NRXN3: variants seen among roughly 807,000 people sequenced by gnomAD.
The protein encoded by NRXN3 is neurexin III.
NRXN3 carries 32 observed loss-of-function variants against 137.6 expected under a neutral mutation model. The observed-to-expected ratio is 0.23, with a 90% confidence interval of 0.18 to 0.31. The LOEUF (loss-of-function observed/expected upper bound fraction) is 0.31, where lower values mean the gene tolerates loss of function less well. Among genes scored for constraint, NRXN3 ranks in the 10% least tolerant of loss-of-function variants. NRXN3 has a pLI of 1.00. For missense variants in NRXN3, 1,574 were observed against 2,062.5 expected (o/e 0.76, Z 4.59); for synonymous variants, 798 against 784.5 (o/e 1.02, Z -0.29).
At chr14:78,874,422 A>G (rs151318326) in intron 10 of NRXN3, among the ~76,000 whole-genome samples, 7 of 152,186 alleles carry the variant, frequency 4.6e-5, no homozygotes, top group Non-Finnish European at 1.0e-4. Context: ...TGAGATGCTA[A>G]TCAGTCAGAT....
At chr14:78,940,767 A>AT (rs1241056912) in intron 10 of NRXN3, among the ~76,000 whole-genome samples, 4 of 152,246 alleles carry the variant, frequency 2.6e-5, no homozygotes, top group Non-Finnish European at 4.4e-5. Context: ...CCATTACTAG[A>AT]TTTTTTTATA....
rs2098950488 is a variant in NRXN3 at position 79,738,662 on chromosome 14, G to A, written c.4014+40725G>A. ...CAACCTCCGCCTCCCGTCTTCAAGT[G>A]TTTCTCCTGCCTCAGCCTCCCAAGT... is the stretch of plus-strand genomic sequence containing the variant. On this transcript the variant is annotated intron_variant, in intron 19 of 20. Coordinates refer to ENST00000335750, the MANE Select transcript of NRXN3 (RefSeq NM_001330195.2). 2.0e-5 allele frequency among the ~76,000 whole-genome samples: 3 copies of A among 152,118 alleles called. 1 individual carries two copies. In the South Asian group the frequency reaches 6.2e-4, roughly 32 times the overall value.
chr14:79,053,651 T>A (rs932419616), intron 15 of NRXN3, among the ~76,000 whole-genome samples: 6 of 151,918 alleles, frequency 3.9e-5, no homozygotes, highest in African/African-American at 1.5e-4. Flanking sequence ...GTGTGTGTAT[T>A]GTGTTGGGAT....
intron 2 of NRXN3, among the ~76,000 whole-genome samples, chr14:78,257,785 A>G (rs1185320680): frequency 3.3e-5 from 5 of 152,146 alleles, no homozygotes; most frequent in Admixed American, 6.5e-5. Flanking sequence ...GAAGTTTTTC[A>G]GTTGAATTGT....
intron 4 of NRXN3, among the ~76,000 whole-genome samples, chr14:78,373,158 G>C (rs942152073): frequency 8.5e-5 from 13 of 152,218 alleles, no homozygotes; most frequent in African/African-American, 1.9e-4. Context: ...TGGAGGTCGA[G>C]AATGCCAAGT....
intron 16 of NRXN3, among the ~76,000 whole-genome samples, chr14:79,587,921 T>G (rs2097774770): frequency 6.6e-6 from 1 of 152,262 alleles, no homozygotes; most frequent in Non-Finnish European, 1.5e-5. Flanking sequence ...TATTTGCATT[T>G]GACTTATTAC....
At chr14:79,158,847 G>A (rs2060495201) in intron 15 of NRXN3, among the ~76,000 whole-genome samples, 1 of 151,776 alleles carries the variant, frequency 6.6e-6, no homozygotes, top group African/African-American at 2.4e-5. Flanking sequence ...AAAACTGGGT[G>A]CCCTTTAAAG....
chr14:79,154,112 C>T (rs1219109585), intron 15 of NRXN3, among the ~76,000 whole-genome samples: 1 of 151,892 alleles, frequency 6.6e-6, no homozygotes, highest in Admixed American at 6.6e-5. Flanking sequence ...TTCTTATATA[C>T]CAGGAATATA....
At chr14:78,253,935 A>G (rs940585310) in intron 2 of NRXN3, among the ~76,000 whole-genome samples, 1 of 151,900 alleles carries the variant, frequency 6.6e-6, no homozygotes, top group Non-Finnish European at 1.5e-5. Context: ...CCACTTTCTC[A>G]TTGGTCCTCA....
At chr14:79,575,269 T>C (rs2153803485) in intron 16 of NRXN3, among the ~76,000 whole-genome samples, 1 of 152,256 alleles carries the variant, frequency 6.6e-6, no homozygotes, top group Middle Eastern at 3.4e-3. Flanking sequence ...AGAAAACTTC[T>C]TAGGCTTCTA....
At chr14:78,482,747 T>C (rs1051919346) in intron 4 of NRXN3, among the ~76,000 whole-genome samples, 2 of 152,222 alleles carry the variant, frequency 1.3e-5, no homozygotes, top group African/African-American at 4.8e-5. Flanking sequence ...CTGTGGATAA[T>C]CTTAAGATAA....
chr14:79,719,226 TATC>T (rs1281534543), intron 19 of NRXN3, among the ~76,000 whole-genome samples: 1 of 151,832 alleles, frequency 6.6e-6, no homozygotes, highest in Non-Finnish European at 1.5e-5. Flanking sequence ...GTGCCATTAA[TATC>T]ATCCCGTCAT....
intron 20 of NRXN3, among the ~76,000 whole-genome samples, chr14:79,846,744 A>G (rs1313895966): frequency 6.6e-6 from 1 of 152,158 alleles, no homozygotes. Context: ...TTTGTTTTTT[A>G]GTCTCAGCTA....
chr14:79,269,154 A>G (rs2078919446), intron 15 of NRXN3, among the ~76,000 whole-genome samples: 2 of 152,232 alleles, frequency 1.3e-5, no homozygotes, highest in South Asian at 2.1e-4. Flanking sequence ...GGTTCACGCC[A>G]TTCTCCTGCC....
chr14:79,224,866 C>A (rs747101542), intron 15 of NRXN3, among the ~76,000 whole-genome samples: 1 of 152,200 alleles, frequency 6.6e-6, no homozygotes, highest in Non-Finnish European at 1.5e-5. Flanking sequence ...CAACTACCAA[C>A]AGCTAGAAGA....
At chr14:79,124,977 T>A (rs1335541530) in intron 15 of NRXN3, among the ~76,000 whole-genome samples, 1 of 152,220 alleles carries the variant, frequency 6.6e-6, no homozygotes, top group Non-Finnish European at 1.5e-5. Context: ...AAGAAAACAC[T>A]GCAGTTCAGG....
intron 15 of NRXN3, among the ~76,000 whole-genome samples, chr14:79,244,063 C>T (rs1018862680): frequency 2.0e-5 from 3 of 152,044 alleles, no homozygotes; most frequent in Non-Finnish European, 2.9e-5. Context: ...CTGGCTCTAT[C>T]GTTTGATGAT....
intron 4 of NRXN3, among the ~76,000 whole-genome samples, chr14:78,513,444 A>G (rs2096146128): frequency 6.6e-6 from 1 of 152,168 alleles, no homozygotes; most frequent in Non-Finnish European, 1.5e-5. Flanking sequence ...GTGAAAAATT[A>G]CAGTTATTTC....
chr14:78,510,683 T>A (rs192348995), intron 4 of NRXN3, among the ~76,000 whole-genome samples: 88 of 152,334 alleles, frequency 5.8e-4, no homozygotes, highest in African/African-American at 2.0e-3. Flanking sequence ...CTTTCTTTGT[T>A]TGATCCCTGG....
Sources: gnomAD v4.1 joint callset for allele counts (sites outside exome capture counted in the v4.1 genomes callset) on GRCh38, gnomAD v4.1.1 for gene constraint, MANE v1.5 for transcripts, NCBI Gene and HGNC (gene_info 2026-07-23, HGNC 2026-07-21) for gene names.